The following GIPC2 variants were observed in gnomAD, a reference collection of about 807,000 sequenced individuals.
The protein encoded by GIPC2 is GIPC PDZ domain containing family member 2.
GIPC2 carries 30 observed loss-of-function variants against 30.6 expected under a neutral mutation model. The ratio of observed to expected loss-of-function variants is 0.98; its 90% CI spans 0.73 to 1.33. The LOEUF (loss-of-function observed/expected upper bound fraction) is 1.33. Among genes scored for constraint, GIPC2 ranks in the 40% most tolerant of loss-of-function variants. The probability of loss-of-function intolerance (pLI) is 0.00; values close to 1 mark genes in which losing one functional copy is unlikely to be tolerated. For missense variants in GIPC2, 414 were observed against 390.3 expected (o/e 1.06, Z -0.51); for synonymous variants, 167 against 150.0 (o/e 1.11, Z -0.83).
intron 1 of GIPC2, among the ~76,000 whole-genome samples, chr1:78,073,526 A>G (rs1270931417): frequency 6.6e-6 from 1 of 152,202 alleles, no homozygotes; most frequent in African/African-American, 2.4e-5. Context: ...GTCATATAAA[A>G]ATAATAATAC....
intron 3 of GIPC2, among the ~76,000 whole-genome samples, chr1:78,109,153 G>A (rs994219441): frequency 5.9e-5 from 9 of 152,202 alleles, no homozygotes; most frequent in Non-Finnish European, 1.0e-4. Context: ...TCTTATTCAT[G>A]CAGAGCAGAA....
chr1:78,077,147 A>C (rs661038), intron 1 of GIPC2, among the ~76,000 whole-genome samples: 139,167 of 152,122 alleles, frequency 0.91, 63,818 homozygotes, highest in African/African-American at 0.95. Context: ...GGATACTGAG[A>C]ACTTTAAATG....
intron 3 of GIPC2, chr1:78,112,531 C>G: frequency 1.9e-6 from 1 of 519,044 alleles, no homozygotes; most frequent in Non-Finnish European, 3.8e-6. Flanking sequence ...CTGCTCCATA[C>G]TCCAGGCCAA....
intron 1 of GIPC2, 127 bp downstream of exon 1, chr1:78,046,461 C>A (rs1164248146): frequency 2.5e-6 from 2 of 802,770 alleles, no homozygotes; most frequent in East Asian, 2.9e-5. Context: ...CGTGTTGAGT[C>A]CGCCGGGGGC....
chr1:78,135,204 T>C (rs1031369989), intron 5 of GIPC2, among the ~76,000 whole-genome samples: 14 of 150,586 alleles, frequency 9.3e-5, no homozygotes, highest in Admixed American at 4.0e-4. Flanking sequence ...GGAGGGAGAG[T>C]AGTGACTATT....
At chr1:78,069,481 T>TC (rs2100321931) in intron 1 of GIPC2, among the ~76,000 whole-genome samples, 1 of 150,246 alleles carries the variant, frequency 6.7e-6, no homozygotes, top group African/African-American at 2.5e-5. Flanking sequence ...AGTACTTTTT[T>TC]TTTTTTTTTT....
At chr1:78,119,925 C>T (rs1349686043) in intron 4 of GIPC2, among the ~76,000 whole-genome samples, 4 of 152,212 alleles carry the variant, frequency 2.6e-5, no homozygotes, top group Non-Finnish European at 5.9e-5. Flanking sequence ...ATCAGCAGAT[C>T]CTAGTGGATC....
At chr1:78,074,979 G>C (rs549074841) in intron 1 of GIPC2, among the ~76,000 whole-genome samples, 5 of 152,318 alleles carry the variant, frequency 3.3e-5, no homozygotes, top group African/African-American at 1.2e-4. Context: ...GATTCTATCA[G>C]TTAGGAACCT....
chr1:78,117,932 C>T (rs1006144343), intron 3 of GIPC2, among the ~76,000 whole-genome samples: 1 of 151,704 alleles, frequency 6.6e-6, no homozygotes, highest in Non-Finnish European at 1.5e-5. Flanking sequence ...TTCCTTCTTT[C>T]TCTCTCTCTC....
chr1:78,118,806 A>G (rs1253702917), intron 3 of GIPC2, among the ~76,000 whole-genome samples: 1 of 152,180 alleles, frequency 6.6e-6, no homozygotes, highest in Non-Finnish European at 1.5e-5. Flanking sequence ...TTTGAATCCC[A>G]GCCCCATTTC....
chr1:78,130,121 T>TTTTC lies in GIPC2; in HGVS notation c.796+4159_796+4160insTTTC, dbSNP rs369892829. ...TAGGATCACTTTTTTTTTTTTTTTT[T>TTTTC]CAGACAGAGTCTTGCTCTGTCACCC... On this transcript the variant is annotated intron_variant, in intron 5 of 5. Coordinates refer to ENST00000370759, the MANE Select transcript of GIPC2 (RefSeq NM_017655.6). 1.1e-3 allele frequency among the ~76,000 whole-genome samples: 162 copies of TTTTC among 146,814 alleles called. 9 individuals carry two copies. The East Asian group carries it at 0.014, about 12-fold the overall frequency.
intron 2 of GIPC2, among the ~76,000 whole-genome samples, chr1:78,091,189 C>G (rs1304590177): frequency 6.6e-6 from 1 of 152,124 alleles, no homozygotes; most frequent in Non-Finnish European, 1.5e-5. Flanking sequence ...GCTTAAATTC[C>G]TCATTCATTA....
chr1:78,130,902 CATT>C (rs1272389360), intron 5 of GIPC2, among the ~76,000 whole-genome samples: 26 of 152,110 alleles, frequency 1.7e-4, no homozygotes, highest in Non-Finnish European at 3.7e-4. Context: ...ACAAGTTTGT[CATT>C]AATAATAATG....
At position 78,135,855 on chromosome 1, in the gene GIPC2, T is replaced by C; in HGVS notation, c.*112T>C. On this transcript the variant is annotated 3_prime_UTR_variant, in exon 6 of 6. Transcript: ENST00000370759. ...CTTTACTAACTCTGGTTTAATTTCA[T>C]GTGTATGGAATATATTCTTTGAAAT... The C allele has an allele frequency of 1.2e-6, 1 of 817,206 alleles. No homozygotes were observed. The highest frequency in any genetic ancestry group is 1.9e-6 in the Non-Finnish European group (1 of 513,012). 50.6% of individuals were successfully genotyped at this position (817,206 alleles called of 1,614,324 possible).
intron 5 of GIPC2, among the ~76,000 whole-genome samples, chr1:78,129,795 A>G (rs1459530952): frequency 6.6e-6 from 1 of 152,228 alleles, no homozygotes; most frequent in Non-Finnish European, 1.5e-5. Flanking sequence ...TTGAATGTTT[A>G]AAGAAACTGT....
intron 1 of GIPC2, among the ~76,000 whole-genome samples, chr1:78,063,807 G>A (rs751273372): frequency 4.0e-5 from 6 of 150,578 alleles, no homozygotes; most frequent in South Asian, 4.2e-4. Context: ...CAGGAGAATC[G>A]CTTGAACCTG....
rs1557555555 is a variant in GIPC2 at position 78,135,792 on chromosome 1, C to CT, written c.*55dup. ...AACAACCCATCGTTCTTTTTTTTCT[C>CT]TTTTTTAAAAAGTCCTATAAGATCT... On this transcript the variant is annotated 3_prime_UTR_variant, in exon 6 of 6. Coordinates refer to ENST00000370759, the MANE Select transcript of GIPC2 (RefSeq NM_017655.6). 2.0e-6 allele frequency: 3 copies of CT among 1,519,602 alleles called. No homozygotes were observed. The highest frequency in any genetic ancestry group is 2.3e-5 in the East Asian group (1 of 43,184). The allele number at this position is 1,519,602 out of a possible 1,614,324, so 94.1% of individuals were successfully genotyped here.
At position 78,055,521 on chromosome 1, in the gene GIPC2, T is replaced by C. The variant is rs567446043; in HGVS notation, c.240+9187T>C. On this transcript the variant is annotated intron_variant, in intron 1 of 5. Coordinates refer to ENST00000370759, the MANE Select transcript of GIPC2 (RefSeq NM_017655.6). ...AGAGCAAGTCTAGTTGTCCTTAACCTTCCATCTCAGCCTCTCTCTCTCCCT... is the reference window on the plus strand; with the variant it reads ...AGAGCAAGTCTAGTTGTCCTTAACCCTCCATCTCAGCCTCTCTCTCTCCCT... 2.2e-4 allele frequency among the ~76,000 whole-genome samples: 33 copies of C among 152,284 alleles called. No individual in the cohort carries two copies. The South Asian group carries it at 6.8e-3, about 32-fold the overall frequency.
At chr1:78,045,808 A>G (rs1661055352), upstream of GIPC2, 1 of 1,191,348 alleles carries the variant, frequency 8.4e-7, no homozygotes, top group Non-Finnish European at 1.0e-6. Context: ...CGTTCACGTA[A>G]ATAGAGCCAT....
Sources: gnomAD v4.1 joint callset for allele counts (sites outside exome capture counted in the v4.1 genomes callset) on GRCh38, gnomAD v4.1.1 for gene constraint, MANE v1.5 for transcripts, NCBI Gene and HGNC (gene_info 2026-07-23, HGNC 2026-07-21) for gene names.